Variants in LRRC4C observed in about 807,000 individuals in gnomAD.
LRRC4C encodes the protein leucine-rich repeat-containing protein 4C.
Under a neutral mutation model 33.6 loss-of-function variants are expected in LRRC4C, and 5 were observed. The observed-to-expected ratio is 0.15, with a 90% CI of 0.08 to 0.31. LRRC4C has a LOEUF of 0.31. Among genes scored for constraint, LRRC4C ranks in the 10% least tolerant of loss-of-function variants. The pLI is 1.00. For synonymous variants in LRRC4C, 329 were observed against 302.0 expected (o/e 1.09, Z -0.93); for missense variants, 560 against 796.7 (o/e 0.70, Z 3.58).
At chr11:41,391,430 A>G (rs778420736) in intron 1 of LRRC4C, among the ~76,000 whole-genome samples, 4 of 151,950 alleles carry the variant, frequency 2.6e-5, no homozygotes, top group Non-Finnish European at 5.9e-5. Flanking sequence ...TGAGGACAAA[A>G]GTTAATAAAA....
intron 1 of LRRC4C, among the ~76,000 whole-genome samples, chr11:41,190,836 G>A (rs1299612845): frequency 6.6e-6 from 1 of 152,146 alleles, no homozygotes; most frequent in Non-Finnish European, 1.5e-5. Flanking sequence ...AAATCATTTA[G>A]CACCAAGCCA....
rs200775028 is a variant in LRRC4C at position 41,107,039 on chromosome 11, A to G, written c.-495-173316T>C. 2.1e-5 allele frequency among the ~76,000 whole-genome samples: 3 copies of G among 143,346 alleles called. No homozygotes were observed. The East Asian group carries it at 6.3e-4, about 30-fold the overall frequency. The allele number at this position is 143,346 out of a possible 152,430, so 94.0% of individuals were successfully genotyped here. ...AAAAAAAAATTAAATACTTGAGACC[A>G]GAAGCGTTTTAGGTTTTGATTTTTT... On this transcript the variant is annotated intron_variant, in intron 1 of 6. Transcript: ENST00000528697.
At chr11:41,268,996 C>A (rs1392132201) in intron 1 of LRRC4C, among the ~76,000 whole-genome samples, 1 of 152,108 alleles carries the variant, frequency 6.6e-6, no homozygotes, top group Non-Finnish European at 1.5e-5. Flanking sequence ...AGCTGTGATT[C>A]ATAAATGTGT....
chr11:40,542,302 T>C (rs1956751611), intron 3 of LRRC4C, among the ~76,000 whole-genome samples: 1 of 152,054 alleles, frequency 6.6e-6, no homozygotes, highest in South Asian at 2.1e-4. Flanking sequence ...ACTGTGATTT[T>C]TTCATGGGAT....
At chr11:40,324,172 G>C (rs1338197219) in intron 3 of LRRC4C, among the ~76,000 whole-genome samples, 1 of 152,200 alleles carries the variant, frequency 6.6e-6, no homozygotes, top group African/African-American at 2.4e-5. Flanking sequence ...TTAATGAGCT[G>C]TCTCATATGT....
In LRRC4C at chr11:41,146,414, G is replaced by A. The variant is rs182048059; in HGVS notation, c.-495-212691C>T. On this transcript the variant is annotated intron_variant, in intron 1 of 6. Coordinates refer to ENST00000528697, the MANE Select transcript of LRRC4C (RefSeq NM_001258419.2). ...CATATTGCTCTAAACACTACTGAGC[G>A]TTTCCTTGACTATATTTAGAATTCC... Among the ~76,000 whole-genome samples the A allele has an allele frequency of 1.8e-3, 276 of 152,254 alleles. 2 individuals are homozygous for A. Among genetic ancestry groups the A allele is most frequent in the African/African-American group, 6.1e-3 (255 of 41,564 alleles).
chr11:40,671,888 C>A (rs891046867), intron 2 of LRRC4C, among the ~76,000 whole-genome samples: 1 of 151,782 alleles, frequency 6.6e-6, no homozygotes, highest in Non-Finnish European at 1.5e-5. Flanking sequence ...GTACATTTTT[C>A]AAAAACGAGA....
intron 1 of LRRC4C, among the ~76,000 whole-genome samples, chr11:40,970,208 C>G (rs1851631606): frequency 6.6e-6 from 1 of 152,198 alleles, no homozygotes; most frequent in East Asian, 1.9e-4. Flanking sequence ...GCATTCCCAC[C>G]CAAGTCTCAT....
At chr11:40,444,631 T>C (rs1014763431) in intron 3 of LRRC4C, among the ~76,000 whole-genome samples, 22 of 152,186 alleles carry the variant, frequency 1.4e-4, no homozygotes, top group Admixed American at 1.3e-4. Context: ...AAGATTTACT[T>C]TATTCTCAGT....
intron 1 of LRRC4C, among the ~76,000 whole-genome samples, chr11:41,269,920 A>C (rs2136825077): frequency 6.6e-6 from 1 of 152,264 alleles, no homozygotes; most frequent in East Asian, 1.9e-4. Context: ...TGATTCAAAA[A>C]GAACTGAATT....
intron 5 of LRRC4C, among the ~76,000 whole-genome samples, chr11:40,204,808 T>C (rs1040524176): frequency 1.3e-5 from 2 of 152,174 alleles, no homozygotes; most frequent in Non-Finnish European, 2.9e-5. Context: ...TATTGCAATA[T>C]CCTTGAATAA....
At chr11:40,666,081 C>A (rs1565616035) in intron 2 of LRRC4C, among the ~76,000 whole-genome samples, 1 of 151,890 alleles carries the variant, frequency 6.6e-6, no homozygotes. Context: ...CAATTAGATG[C>A]CCTTCAATTG....
intron 1 of LRRC4C, among the ~76,000 whole-genome samples, chr11:41,029,781 T>C (rs1565316327): frequency 5.3e-5 from 8 of 151,828 alleles, no homozygotes; most frequent in Admixed American, 4.6e-4. Flanking sequence ...AATGTCAACA[T>C]AGAATATTCT....
chr11:41,411,140 C>CTTTTTTTTTTTTTTTTTTTTTTTTTTTTT (rs1249968357), intron 1 of LRRC4C, among the ~76,000 whole-genome samples: 1 of 49,914 alleles, frequency 2.0e-5, no homozygotes, highest in Non-Finnish European at 3.2e-5. Context: ...GGTTGGTACC[C>CTTTTTTTTTTTTTTTTTTTTTTTTTTTTT]TATTTTTTTT....
At chr11:41,332,173 G>T (rs1007711679) in intron 1 of LRRC4C, among the ~76,000 whole-genome samples, 4 of 152,010 alleles carry the variant, frequency 2.6e-5, no homozygotes, top group African/African-American at 4.8e-5. Flanking sequence ...TGTGGAATGA[G>T]GCATTTAGGA....
intron 2 of LRRC4C, among the ~76,000 whole-genome samples, chr11:40,759,377 T>C (rs1482130214): frequency 6.7e-6 from 1 of 149,796 alleles, no homozygotes; most frequent in African/African-American, 2.4e-5. Flanking sequence ...TAAGTGGTTA[T>C]GTGAGTAAAA....
intron 1 of LRRC4C, among the ~76,000 whole-genome samples, chr11:41,190,494 T>C (rs561224942): frequency 6.6e-6 from 1 of 152,262 alleles, no homozygotes; most frequent in Admixed American, 6.5e-5. Flanking sequence ...CAATGCCAGG[T>C]GCTCAGCCTA....
At chr11:40,374,456 A>T (rs1948581518) in intron 3 of LRRC4C, among the ~76,000 whole-genome samples, 1 of 152,188 alleles carries the variant, frequency 6.6e-6, no homozygotes, top group African/African-American at 2.4e-5. Flanking sequence ...ACTGAGTTTG[A>T]TATTCTCCTA....
At chr11:40,565,863 A>T (rs115481052) in intron 3 of LRRC4C, among the ~76,000 whole-genome samples, 79 of 152,186 alleles carry the variant, frequency 5.2e-4, no homozygotes, top group Admixed American at 2.0e-3. Context: ...GAAAAATTTT[A>T]AAAAAGACAA....
Sources: allele counts gnomAD v4.1 joint callset (sites outside exome capture counted in the v4.1 genomes callset), GRCh38; gene constraint gnomAD v4.1.1; transcripts MANE v1.5; gene names NCBI Gene and HGNC (gene_info 2026-07-23, HGNC 2026-07-21).